CSMD1: variants seen among roughly 807,000 people sequenced by gnomAD.
CSMD1 encodes the protein CUB and sushi domain-containing protein 1.
CSMD1 carries 213 observed loss-of-function variants against 417.5 expected under a neutral mutation model. The ratio of observed to expected loss-of-function variants is 0.51; its 90% CI spans 0.46 to 0.57. The LOEUF (loss-of-function observed/expected upper bound fraction) is 0.57. Among genes scored for constraint, CSMD1 ranks in the 20% least tolerant of loss-of-function variants. The probability of loss-of-function intolerance (pLI) is 0.00; values close to 1 mark genes in which losing one functional copy is unlikely to be tolerated. For synonymous variants in CSMD1, 2,862 were observed against 1,736.8 expected (o/e 1.65, Z -16.11); for missense variants, 6,923 against 4,529.7 (o/e 1.53, Z -15.17).
At chr8:4,060,877 G>C (rs899305538) in intron 3 of CSMD1, among the ~76,000 whole-genome samples, 19 of 152,034 alleles carry the variant, frequency 1.2e-4, no homozygotes, top group African/African-American at 4.6e-4. Context: ...AGAAAACAAA[G>C]GCAAAAAATA....
intron 1 of CSMD1, among the ~76,000 whole-genome samples, chr8:4,692,567 T>C (rs1806836211): frequency 6.6e-6 from 1 of 152,124 alleles, no homozygotes. Flanking sequence ...CCGGGAAGAC[T>C]GTGAGCCATG....
At chr8:4,933,885 T>C (rs950601719) in intron 1 of CSMD1, among the ~76,000 whole-genome samples, 2 of 152,220 alleles carry the variant, frequency 1.3e-5, no homozygotes, top group African/African-American at 4.8e-5. Flanking sequence ...AGAAGCATCA[T>C]TTCAAGTAGG....
chr8:3,354,875 A>ATACCTATAGATATCTATATCTATAGATC, intron 21 of CSMD1, among the ~76,000 whole-genome samples: 1 of 71,522 alleles, frequency 1.4e-5, no homozygotes, highest in East Asian at 5.2e-4. Flanking sequence ...AGATATACAT[A>ATACCTATAGATATCTATATCTATAGATC]TATCTATAGA....
At chr8:3,044,704 C>G (rs1411997998) in intron 50 of CSMD1, among the ~76,000 whole-genome samples, 1 of 152,216 alleles carries the variant, frequency 6.6e-6, no homozygotes, top group East Asian at 1.9e-4. Flanking sequence ...CAAATGGAAG[C>G]ATAATTCCTT....
chr8:4,202,605 C>G (rs574016686), intron 3 of CSMD1, among the ~76,000 whole-genome samples: 16 of 152,298 alleles, frequency 1.1e-4, no homozygotes, highest in African/African-American at 2.6e-4. Flanking sequence ...CCTGCAATCT[C>G]TTTGAGTATC....
intron 2 of CSMD1, among the ~76,000 whole-genome samples, chr8:4,561,799 G>A (rs994431658): frequency 3.3e-4 from 50 of 152,318 alleles, no homozygotes; most frequent in African/African-American, 1.2e-3. Context: ...TGATGAGGCA[G>A]AGGTTATGAA....
chr8:4,798,236 C>T (rs1248113178), intron 1 of CSMD1, among the ~76,000 whole-genome samples: 1 of 152,056 alleles, frequency 6.6e-6, no homozygotes, highest in African/African-American at 2.4e-5. Flanking sequence ...TTGTTCAGTT[C>T]CCACCTATGA....
intron 2 of CSMD1, among the ~76,000 whole-genome samples, chr8:4,490,543 T>C (rs921613437): frequency 6.6e-6 from 1 of 152,214 alleles, no homozygotes; most frequent in African/African-American, 2.4e-5. Context: ...TGAACTGTCA[T>C]AGATGCTAAG....
intron 25 of CSMD1, among the ~76,000 whole-genome samples, chr8:3,291,956 G>A (rs968669403): frequency 2.0e-5 from 3 of 151,404 alleles, no homozygotes; most frequent in Non-Finnish European, 2.9e-5. Flanking sequence ...TTTCTCTTGT[G>A]GGCATTTAGT....
chr8:3,141,969 TG>T (rs1197874621), intron 41 of CSMD1, among the ~76,000 whole-genome samples: 1 of 151,994 alleles, frequency 6.6e-6, no homozygotes, highest in Non-Finnish European at 1.5e-5. Flanking sequence ...AGCTAATTTT[TG>T]GTATTTTTAG....
chr8:3,486,388 T>C (rs919760674), intron 11 of CSMD1, among the ~76,000 whole-genome samples: 5 of 152,182 alleles, frequency 3.3e-5, no homozygotes, highest in Admixed American at 2.6e-4. Flanking sequence ...AATGGACTTA[T>C]CTCCCCAAAA....
At chr8:4,051,558 A>C (rs1488334289) in intron 3 of CSMD1, among the ~76,000 whole-genome samples, 3 of 152,182 alleles carry the variant, frequency 2.0e-5, no homozygotes, top group East Asian at 1.9e-4. Flanking sequence ...CAACTCCAAC[A>C]ATCAAGCAAA....
chr8:4,702,352 C>A (rs370796186), intron 1 of CSMD1, among the ~76,000 whole-genome samples: 1 of 152,166 alleles, frequency 6.6e-6, no homozygotes, highest in Non-Finnish European at 1.5e-5. Flanking sequence ...GCTAAACTGA[C>A]CCTCCTGCTC....
At chr8:3,580,782 C>A (rs1171280230) in intron 9 of CSMD1, among the ~76,000 whole-genome samples, 2 of 152,076 alleles carry the variant, frequency 1.3e-5, no homozygotes, top group Non-Finnish European at 2.9e-5. Context: ...GGATCTATAA[C>A]CTGGTATAAA....
chr8:3,626,554 A>T (rs1055884643), intron 7 of CSMD1, among the ~76,000 whole-genome samples: 2 of 151,772 alleles, frequency 1.3e-5, no homozygotes, highest in Non-Finnish European at 2.9e-5. Flanking sequence ...ATAATAATTA[A>T]ATCTTCAAGT....
At chr8:4,356,946 TATA>T (rs749219991) in intron 3 of CSMD1, among the ~76,000 whole-genome samples, 4 of 152,188 alleles carry the variant, frequency 2.6e-5, no homozygotes, top group African/African-American at 4.8e-5. Context: ...ATATGTGAAA[TATA>T]ATAGCAACTG....
chr8:4,418,212 A>G (rs1797051852), intron 3 of CSMD1, among the ~76,000 whole-genome samples: 1 of 152,080 alleles, frequency 6.6e-6, no homozygotes, highest in African/African-American at 2.4e-5. Context: ...AAATACCACA[A>G]AATCATTTTC....
chr8:4,296,696 G>GTTTTTTTTTTTTT (rs371696159), intron 3 of CSMD1, among the ~76,000 whole-genome samples: 1 of 114,870 alleles, frequency 8.7e-6, no homozygotes. Flanking sequence ...GAAAATAAGG[G>GTTTTTTTTTTTTT]TTTTTTTTTT....
intron 3 of CSMD1, among the ~76,000 whole-genome samples, chr8:4,073,286 A>C (rs1799652974): frequency 6.6e-6 from 1 of 152,198 alleles, no homozygotes; most frequent in Non-Finnish European, 1.5e-5. Flanking sequence ...AGTTGAAAGA[A>C]GAGAGTAAAG....
Sources: allele counts gnomAD v4.1 joint callset (sites outside exome capture counted in the v4.1 genomes callset), GRCh38; gene constraint gnomAD v4.1.1; transcripts MANE v1.5; gene names NCBI Gene and HGNC (gene_info 2026-07-23, HGNC 2026-07-21).